PDE3B: variants seen among roughly 807,000 people sequenced by gnomAD.
The protein encoded by PDE3B is phosphodiesterase 3B, also known as cGMP-inhibited 3',5'-cyclic phosphodiesterase 3B.
In PDE3B, 66 loss-of-function variants were observed where a neutral mutation model predicts 116.8. That is an observed-to-expected ratio of 0.56 (90% CI 0.46 to 0.69). The LOEUF (loss-of-function observed/expected upper bound fraction) is 0.69. Ranked by LOEUF, PDE3B falls within the 30% of genes least tolerant of loss-of-function variation. PDE3B has a pLI of 0.00. For missense variants in PDE3B, 1,384 were observed against 1,368.1 expected, an observed-to-expected ratio of 1.01 and a Z score of -0.18; for synonymous variants, 595 against 533.6, an observed-to-expected ratio of 1.12 and a Z score of -1.59.
the PDE3B span, chr11:14,880,001 C>T: frequency 1.2e-6 from 1 of 853,692 alleles, no homozygotes; most frequent in African/African-American, 1.7e-5. Context: ...TTTTTTGTAA[C>T]TATTAAATAT....
intron 2 of PDE3B, 92 bp from the exon 3 acceptor site, chr11:14,786,345 A>G: frequency 2.3e-6 from 2 of 851,492 alleles, no homozygotes; most frequent in Admixed American, 3.1e-5. Flanking sequence ...CTACATATAT[A>G]TATATATAAA....
In PDE3B at chr11:14,859,051, A is replaced by T. The variant is rs781913013; in HGVS notation, c.2529A>T (p.Leu843Phe). 3.1e-6 allele frequency: 5 copies of T among 1,610,056 alleles called. No homozygotes were observed. In the South Asian group the frequency reaches 5.5e-5, roughly 18 times the overall value. ...TCTATATTTCTTTTTAGGCAGTTTT[A>T]TACAATGACAGATCTGTTCTGGAAA... ...LVATNAPQAV[L>F]YNDRSVLENH... The change falls in exon 13 of 16, where the codon TTA (leucine) becomes TTT (phenylalanine). Residue 843 changes from leucine (L) to phenylalanine (F), a missense_variant. Coordinates refer to ENST00000282096, the MANE Select transcript of PDE3B (RefSeq NM_000922.4).
intron 12 of PDE3B, among the ~76,000 whole-genome samples, chr11:14,856,853 C>CAAAAAAAAAAA: frequency 1.1e-5 from 1 of 91,680 alleles, no homozygotes; most frequent in African/African-American, 3.8e-5. Flanking sequence ...GAGTCCATCT[C>CAAAAAAAAAAA]AAAAAAAAAA....
At chr11:14,746,870 A>G (rs112327031) in intron 1 of PDE3B, among the ~76,000 whole-genome samples, 7 of 152,336 alleles carry the variant, frequency 4.6e-5, no homozygotes, top group East Asian at 1.9e-4. Flanking sequence ...TTCCATCTCT[A>G]TGGCTTTAGT....
chr11:14,792,095 A>T (rs1858407144), intron 4 of PDE3B, among the ~76,000 whole-genome samples: 1 of 152,170 alleles, frequency 6.6e-6, no homozygotes, highest in South Asian at 2.1e-4. Context: ...TGGACTCTTT[A>T]CCAGTCCTAT....
intron 5 of PDE3B, among the ~76,000 whole-genome samples, chr11:14,811,269 C>T (rs1346985510): frequency 6.6e-6 from 1 of 152,088 alleles, no homozygotes; most frequent in Non-Finnish European, 1.5e-5. Flanking sequence ...ATGGTAATGC[C>T]TAGGTTTTCT....
chr11:14,795,053 C>G lies in PDE3B; in HGVS notation c.1415+5811C>G, dbSNP rs557393927. 2.0e-5 allele frequency among the ~76,000 whole-genome samples: 3 copies of G among 152,266 alleles called. No homozygotes were observed. In the East Asian group the frequency reaches 5.8e-4, roughly 29 times the overall value. On this transcript the variant is annotated intron_variant, in intron 4 of 15. Coordinates refer to ENST00000282096, the MANE Select transcript of PDE3B (RefSeq NM_000922.4). ...ACAAGCTCCTCAGACCCAGTCCTTT[C>G]TGGATTTTTATAGGAGCTTCATTTT...
the PDE3B span, chr11:14,891,393 T>A: frequency 1.0e-6 from 1 of 985,516 alleles, no homozygotes; most frequent in Non-Finnish European, 1.2e-6. Flanking sequence ...CCGCAGCGGA[T>A]TTTAGTCATC....
chr11:14,788,411 G>A (rs1015104808), intron 3 of PDE3B, among the ~76,000 whole-genome samples: 4 of 151,938 alleles, frequency 2.6e-5, no homozygotes, highest in Admixed American at 1.3e-4. Flanking sequence ...TACAAAATCA[G>A]TGTCCTTGGG....
chr11:14,648,548 G>A lies in PDE3B; in HGVS notation c.978+3495G>A, dbSNP rs141490814. ...TCCAATTTCATGTTACTATTTTGTG[G>A]TAAAATATCAGCCTACATAATAATT... On this transcript the variant is annotated intron_variant, in intron 1 of 15. Coordinates refer to ENST00000282096, the MANE Select transcript of PDE3B (RefSeq NM_000922.4). Among the ~76,000 whole-genome samples, 9 of 151,946 alleles carry A rather than the reference G, an allele frequency of 5.9e-5. No homozygotes were observed. The East Asian group carries it at 1.7e-3, about 29-fold the overall frequency.
chr11:14,828,748 G>A (rs1469142416), intron 7 of PDE3B, among the ~76,000 whole-genome samples: 1 of 152,192 alleles, frequency 6.6e-6, no homozygotes, highest in East Asian at 1.9e-4. Flanking sequence ...GGTAGACAGT[G>A]TGGTGATTCC....
chr11:14,824,923 G>C (rs1859640467), intron 7 of PDE3B, among the ~76,000 whole-genome samples: 1 of 152,030 alleles, frequency 6.6e-6, no homozygotes, highest in Non-Finnish European at 1.5e-5. Context: ...CAGGCTAACA[G>C]TGGACATCTC....
intron 1 of PDE3B, among the ~76,000 whole-genome samples, chr11:14,759,578 C>G (rs563197587): frequency 7.3e-6 from 1 of 136,266 alleles, no homozygotes; most frequent in East Asian, 2.3e-4. Flanking sequence ...GAGACAGAGT[C>G]TTGCTTTGTC....
At chr11:14,781,544 A>C (rs2133909848) in intron 2 of PDE3B, among the ~76,000 whole-genome samples, 1 of 152,328 alleles carries the variant, frequency 6.6e-6, no homozygotes, top group Admixed American at 6.5e-5. Context: ...ATATAAAGAG[A>C]ACCAAAGACA....
In PDE3B at chr11:14,736,604, C is replaced by T. The variant is rs528393373; in HGVS notation, c.979-35333C>T. The stretch of plus-strand genomic sequence containing the variant: ...TTGATTGATTGTTCATAAACATATT[C>T]AAATATCCCAATACAGATGAATTTT... On this transcript the variant is annotated intron_variant, in intron 1 of 15. Coordinates refer to ENST00000282096, the MANE Select transcript of PDE3B (RefSeq NM_000922.4). Among the ~76,000 whole-genome samples the T allele has an allele frequency of 2.0e-5, 3 of 152,278 alleles. No individual in the cohort carries two copies. In the South Asian group the frequency reaches 6.2e-4, roughly 32 times the overall value.
intron 2 of PDE3B, 32 bp downstream of exon 2, chr11:14,772,019 T>C: frequency 1.1e-6 from 1 of 885,420 alleles, no homozygotes. Flanking sequence ...GATGAATATC[T>C]AAATAATATC....
chr11:14,660,837 A>C (rs781204139), intron 1 of PDE3B, among the ~76,000 whole-genome samples: 2 of 152,232 alleles, frequency 1.3e-5, no homozygotes, highest in African/African-American at 2.4e-5. Context: ...GGAGAATGTA[A>C]GCATCCTGAA....
At position 14,838,959 on chromosome 11, in the gene PDE3B, T is replaced by A. The variant is rs142537025; in HGVS notation, c.2320+3864T>A. Among the ~76,000 whole-genome samples, 794 of 152,306 alleles carry A rather than the reference T, an allele frequency of 5.2e-3. 6 individuals carry two copies. Among genetic ancestry groups the A allele is most frequent in the Middle Eastern group, 0.014 (4 of 294 alleles). ...AATCCAGAAGCTCACAATGTTAAGA[T>A]GTTGAAATGGGGTGATCATATTCAA... On this transcript the variant is annotated intron_variant, in intron 11 of 15. Coordinates refer to ENST00000282096, the MANE Select transcript of PDE3B (RefSeq NM_000922.4).
At chr11:14,665,882 C>T (rs1435166592) in intron 1 of PDE3B, among the ~76,000 whole-genome samples, 1 of 152,074 alleles carries the variant, frequency 6.6e-6, no homozygotes, top group Non-Finnish European at 1.5e-5. Context: ...GATTCAATGC[C>T]ATCCCCATCA....
Sources: gnomAD v4.1 joint callset for allele counts (sites outside exome capture counted in the v4.1 genomes callset) on GRCh38, gnomAD v4.1.1 for gene constraint, MANE v1.5 for transcripts, NCBI Gene and HGNC (gene_info 2026-07-23, HGNC 2026-07-21) for gene names.